Variants in PIP5K1B observed in about 807,000 individuals in gnomAD.
PIP5K1B encodes the protein phosphatidylinositol-4-phosphate 5-kinase type 1 beta, also known as phosphatidylinositol 4-phosphate 5-kinase type-1 beta.
Under a neutral mutation model 67.0 loss-of-function variants are expected in PIP5K1B, and 42 were observed. That is an observed-to-expected ratio of 0.63 (90% CI 0.49 to 0.81). PIP5K1B has a LOEUF of 0.81. PIP5K1B is among the 30% of genes least tolerant of loss of function. The pLI, the probability that PIP5K1B is intolerant of heterozygous loss-of-function variation, is 0.00. For missense variants in PIP5K1B, 459 were observed against 646.3 expected, an observed-to-expected ratio of 0.71 and a Z score of 3.14; for synonymous variants, 214 against 231.4, an observed-to-expected ratio of 0.92 and a Z score of 0.68.
intron 14 of PIP5K1B, among the ~76,000 whole-genome samples, chr9:68,960,929 G>A (rs1462306451): frequency 5.3e-5 from 8 of 151,788 alleles, no homozygotes; most frequent in Non-Finnish European, 8.8e-5. Context: ...GCGTGTCACC[G>A]GCCGGGCGCG....
intron 2 of PIP5K1B, among the ~76,000 whole-genome samples, chr9:68,805,513 G>A (rs950329743): frequency 6.6e-6 from 1 of 152,212 alleles, no homozygotes; most frequent in Non-Finnish European, 1.5e-5. Flanking sequence ...CCCTGTGAGA[G>A]AGGTACTGTT....
At chr9:68,957,849 C>G (rs747497654) in intron 14 of PIP5K1B, among the ~76,000 whole-genome samples, 13 of 151,588 alleles carry the variant, frequency 8.6e-5, no homozygotes, top group Non-Finnish European at 1.5e-4. Context: ...AGTGACCTTC[C>G]TAGGTTTATT....
chr9:68,941,375 A>C (rs1431947491), intron 14 of PIP5K1B, among the ~76,000 whole-genome samples: 1 of 152,228 alleles, frequency 6.6e-6, no homozygotes, highest in Non-Finnish European at 1.5e-5. Context: ...AGACAGAAGA[A>C]AGGTGAGAAT....
chr9:68,715,480 A>G (rs1179293568), intron 1 of PIP5K1B, among the ~76,000 whole-genome samples: 2 of 152,134 alleles, frequency 1.3e-5, no homozygotes, highest in Admixed American at 6.5e-5. Flanking sequence ...TGTTCTCAGC[A>G]TCGGTCGACC....
rs563266514 is a variant in PIP5K1B, at chr9:68,987,379, C to T, written c.1503-3761C>T. Among the ~76,000 whole-genome samples, 5 of 152,246 alleles carry T rather than the reference C, an allele frequency of 3.3e-5. No homozygotes were observed. In the South Asian group the frequency reaches 1.0e-3, roughly 32 times the overall value. ...AGCAGTTCAAGACCAGCCTGGCCAA[C>T]AGTGAAACTCTGTCTCTACTAAAAA... On this transcript the variant is annotated intron_variant, in intron 14 of 15. Transcript: ENST00000265382.
chr9:68,866,001 A>C (rs939293389), intron 5 of PIP5K1B, among the ~76,000 whole-genome samples: 35 of 152,238 alleles, frequency 2.3e-4, no homozygotes, highest in African/African-American at 7.7e-4. Flanking sequence ...TCAAAATGAC[A>C]TCTATTAGCA....
intron 14 of PIP5K1B, among the ~76,000 whole-genome samples, chr9:68,985,687 G>A (rs1363800736): frequency 1.3e-5 from 2 of 152,240 alleles, no homozygotes; most frequent in African/African-American, 2.4e-5. Context: ...TGTGCCCTGG[G>A]ACATTGCAGA....
chr9:68,804,853 G>T (rs1234844864), intron 2 of PIP5K1B, among the ~76,000 whole-genome samples: 1 of 152,310 alleles, frequency 6.6e-6, no homozygotes, highest in South Asian at 2.1e-4. Flanking sequence ...GTTGTTGGAA[G>T]AATTAAATGA....
At chr9:68,874,682 T>A (rs552970531) in intron 5 of PIP5K1B, among the ~76,000 whole-genome samples, 1 of 152,314 alleles carries the variant, frequency 6.6e-6, no homozygotes, top group Non-Finnish European at 1.5e-5. Context: ...GAAACTCCAT[T>A]TAGGTGGAAC....
chr9:68,761,689 G>A (rs1216420032), intron 2 of PIP5K1B, among the ~76,000 whole-genome samples: 1 of 152,070 alleles, frequency 6.6e-6, no homozygotes, highest in African/African-American at 2.4e-5. Flanking sequence ...TGCAGTAGCT[G>A]GTTAAGTCTT....
At position 68,938,619 on chromosome 9, in the gene PIP5K1B, T is replaced by C. The variant is rs1298788166; in HGVS notation, c.1358-2027T>C. On this transcript the variant is annotated intron_variant, in intron 13 of 15. Transcript: ENST00000265382. ...TAAGGTTAATATTGTTATGTGTGAA[T>C]TTCATCCCGTCATTATGATGCTAGC... 2.0e-5 allele frequency among the ~76,000 whole-genome samples: 3 copies of C among 152,182 alleles called. No homozygotes were observed. The East Asian group carries it at 5.8e-4, about 29-fold the overall frequency.
At chr9:68,904,060 A>ATGAT (rs57206694) in intron 8 of PIP5K1B, among the ~76,000 whole-genome samples, 10,150 of 152,184 alleles carry the variant, frequency 0.067, 639 homozygotes, top group East Asian at 0.37. Flanking sequence ...AGTGAGTGGT[A>ATGAT]TGATTACCTT....
chr9:69,000,193 G>T (rs1364234127), intron 15 of PIP5K1B, among the ~76,000 whole-genome samples: 1 of 152,110 alleles, frequency 6.6e-6, no homozygotes. Flanking sequence ...TCTTTCTACT[G>T]TTTAGGCAGC....
intron 9 of PIP5K1B, among the ~76,000 whole-genome samples, chr9:68,918,858 T>G (rs1826230206): frequency 6.6e-6 from 1 of 152,140 alleles, no homozygotes; most frequent in Non-Finnish European, 1.5e-5. Context: ...ATAAGGCTAT[T>G]AAAAACCACG....
At chr9:68,868,612 C>G (rs1400867869) in intron 5 of PIP5K1B, among the ~76,000 whole-genome samples, 1 of 152,114 alleles carries the variant, frequency 6.6e-6, no homozygotes, top group Non-Finnish European at 1.5e-5. Flanking sequence ...GAACAAGTGT[C>G]CAGCTTTTAT....
chr9:68,789,875 C>T (rs1272083340), intron 2 of PIP5K1B, among the ~76,000 whole-genome samples: 1 of 152,202 alleles, frequency 6.6e-6, no homozygotes, highest in Non-Finnish European at 1.5e-5. Context: ...TCCCACCCTG[C>T]TCTGCTTTAC....
At chr9:68,971,273 C>A (rs559683070) in intron 14 of PIP5K1B, among the ~76,000 whole-genome samples, 1 of 152,274 alleles carries the variant, frequency 6.6e-6, no homozygotes, top group East Asian at 1.9e-4. Context: ...TGTTAGTTTG[C>A]TGAGAATGAT....
intron 14 of PIP5K1B, among the ~76,000 whole-genome samples, chr9:68,941,689 TG>T (rs1827569806): frequency 6.6e-6 from 1 of 152,236 alleles, no homozygotes; most frequent in African/African-American, 2.4e-5. Context: ...TTTATGCAGG[TG>T]AAGAATTCCT....
intron 13 of PIP5K1B, among the ~76,000 whole-genome samples, chr9:68,936,254 C>T (rs987716602): frequency 2.0e-5 from 3 of 152,062 alleles, no homozygotes; most frequent in Admixed American, 6.6e-5. Flanking sequence ...GACAGCCTTG[C>T]TTTGTCCTGA....
Sources: allele counts gnomAD v4.1 joint callset (sites outside exome capture counted in the v4.1 genomes callset), GRCh38; gene constraint gnomAD v4.1.1; transcripts MANE v1.5; gene names NCBI Gene and HGNC (gene_info 2026-07-23, HGNC 2026-07-21).